Variants in SAMD11 observed in about 807,000 individuals in gnomAD.
SAMD11 encodes sterile alpha motif domain containing 11, also known as sterile alpha motif domain-containing protein 11.
Under a neutral mutation model 64.4 loss-of-function variants are expected in SAMD11, and 77 were observed. The observed-to-expected ratio is 1.20, with a 90% confidence interval of 0.99 to 1.44. SAMD11 has a LOEUF of 1.44. Among genes scored for constraint, SAMD11 ranks in the 40% most tolerant of loss-of-function variants. The pLI is 0.00. For synonymous variants in SAMD11, 658 were observed against 421.9 expected, an observed-to-expected ratio of 1.56 and a Z score of -6.86; for missense variants, 1,402 against 943.3, an observed-to-expected ratio of 1.49 and a Z score of -6.37.
chr1:931,185 C>T (rs1641156292), intron 4 of SAMD11, 96 bp downstream of exon 4: 1 of 1,109,304 alleles, frequency 9.0e-7, no homozygotes, highest in Non-Finnish European at 1.3e-6. Context: ...TCCGCTGTCT[C>T]AGCGTGAGCT....
At position 926,073 on chromosome 1, in the gene SAMD11, C is replaced by T. The variant is rs767632992; in HGVS notation, c.609+60C>T. On this transcript the variant is annotated intron_variant, in intron 2 of 13. Coordinates refer to ENST00000616016, the MANE Select transcript of SAMD11 (RefSeq NM_001385641.1). ...CTCTCCCCTGCGGAGCTTGTCCCTGCGGTTTTCAGGGTTTTCAGGATCGAG... is the reference window on the plus strand; with the variant it reads ...CTCTCCCCTGCGGAGCTTGTCCCTGTGGTTTTCAGGGTTTTCAGGATCGAG... 40 of 1,525,998 alleles carry T rather than the reference C, an allele frequency of 2.6e-5. No homozygotes were observed. In the Middle Eastern group the frequency reaches 6.7e-4, roughly 26 times the overall value. 94.5% of individuals were successfully genotyped at this position (1,525,998 alleles called of 1,614,324 possible).
At chr1:929,075 G>A (rs1019423686) in intron 2 of SAMD11, among the ~76,000 whole-genome samples, 8 of 152,328 alleles carry the variant, frequency 5.3e-5, no homozygotes, top group Middle Eastern at 3.4e-3. Context: ...AAAGCCTCCC[G>A]CCCACTGGAA....
chr1:931,356 G>A (rs1641163896), intron 4 of SAMD11, among the ~76,000 whole-genome samples: 1 of 152,216 alleles, frequency 6.6e-6, no homozygotes, highest in South Asian at 2.1e-4. Context: ...GTTCTGGGCA[G>A]CCCGGCCCTG....
chr1:943,515 G>A (rs182227964), intron 12 of SAMD11, 138 bp downstream of exon 12: 5 of 903,668 alleles, frequency 5.5e-6, no homozygotes, highest in Middle Eastern at 3.5e-4. Context: ...GGACTGGACT[G>A]TGCACCCCAC....
intron 8 of SAMD11, 34 bp from the exon 9 acceptor site, chr1:942,102 G>T (rs768822636): frequency 1.4e-5 from 9 of 637,838 alleles, no homozygotes; most frequent in African/African-American, 9.6e-5. Context: ...AACGGGGGCG[G>T]GGGGGACGCC....
chr1:930,908 C>A, intron 3 of SAMD11, 131 bp from the exon 4 acceptor site: 2 of 864,532 alleles, frequency 2.3e-6, no homozygotes, highest in East Asian at 2.5e-5. Flanking sequence ...TGGCAGCCGC[C>A]CTCGTTCACT....
chr1:936,745 T>C (rs763229595), intron 5 of SAMD11, among the ~76,000 whole-genome samples: 2 of 152,152 alleles, frequency 1.3e-5, no homozygotes, highest in Non-Finnish European at 2.9e-5. Context: ...CGCGTCCTCG[T>C]GCACCTAGGA....
chr1:939,773 C>T (rs576323831), intron 7 of SAMD11, among the ~76,000 whole-genome samples: 2 of 150,168 alleles, frequency 1.3e-5, no homozygotes, highest in Non-Finnish European at 3.0e-5. Context: ...TGTGAGTCGT[C>T]TATGCAGCCA....
At position 943,791 on chromosome 1, in the gene SAMD11, C is replaced by G; in HGVS notation, c.2272C>G (p.Leu758Val). The G allele has an allele frequency of 6.2e-7, 1 of 1,612,752 alleles. No individual in the cohort carries two copies. Among genetic ancestry groups the G allele is most frequent in the Admixed American group, 1.7e-5 (1 of 60,012 alleles). Residue 758 changes from leucine to valine, a missense_variant, in exon 13 of 14, where the codon CTC becomes GTC. Coordinates refer to ENST00000616016, the MANE Select transcript of SAMD11 (RefSeq NM_001385641.1). ...CATGGGGCTGAAGCTGGGGCCCGCC[C>G]TCAAGATCCGGGCCCAGGTGAGACG... ...TNMGLKLGPA[L>V]KIRAQVARRL...
At position 939,290 on chromosome 1, in the gene SAMD11, C is replaced by T. The variant is rs150205193; in HGVS notation, c.1073C>T (p.Pro358Leu). The T allele has an allele frequency of 4.4e-5, 71 of 1,606,488 alleles. No homozygotes were observed. The highest frequency in any genetic ancestry group is 5.1e-5 in the Admixed American group (3 of 59,350). Reference sequence around the variant, plus strand: ...TCCCCAGCAGAGGCGCTGCTGCTGCCGCGGGAGCTGGGGCCCAGCATGGCC... The same window carrying T: ...TCCCCAGCAGAGGCGCTGCTGCTGCTGCGGGAGCTGGGGCCCAGCATGGCC... ...SESPQEALLLPRELGPSMAPE... is the reference protein window; with the variant it reads ...SESPQEALLLLRELGPSMAPE... Residue 358 changes from proline to leucine, a missense_variant, in exon 7 of 14, where the codon CCG becomes CTG. Pro to Leu is a moderately conservative substitution (Grantham distance 98). Transcript: ENST00000616016.
At position 942,857 on chromosome 1, in the gene SAMD11, C is replaced by G; in HGVS notation, c.1852C>G (p.Leu618Val). The change falls in exon 11 of 14, where the codon CTC becomes GTC. Residue 618 changes from leucine (L) to valine (V), a missense_variant. Physicochemically the swap from Leu to Val is conservative, Grantham distance 32. Transcript: ENST00000616016. ...SESKEMTGAR[L>V]WAQDGSEDEP... ...GTCCAAGGAGATGACGGGGGCTAGG[C>G]TCTGGGCACAAGATGGCTCGGAAGA... is the stretch of plus-strand genomic sequence containing the variant. 6.4e-7 allele frequency: 1 copy of G among 1,553,036 alleles called. No individual in the cohort carries two copies. The highest frequency in any genetic ancestry group is 8.7e-7 in the Non-Finnish European group (1 of 1,148,342).
intron 12 of SAMD11, 148 bp downstream of exon 12, chr1:943,525 CCTTTTT>C (rs1421668549): frequency 3.0e-5 from 25 of 822,494 alleles, no homozygotes; most frequent in Admixed American, 7.7e-5. Flanking sequence ...GTGCACCCCA[CCTTTTT>C]TTTTTTTTTT....
intron 10 of SAMD11, 30 bp downstream of exon 10, chr1:942,518 C>T: frequency 6.9e-7 from 1 of 1,439,830 alleles, no homozygotes. Context: ...CGGGGCCGCG[C>T]GGCCCGGGAG....
rs1459615934 is a variant in SAMD11, at chr1:928,120, G to A, written c.610-2035G>A. ...AAAGAAGGGAGGTGGGAGGCCGGGT[G>A]TGGTGGCGCATGCCTGTAATCCCAG... On this transcript the variant is annotated intron_variant, in intron 2 of 13. Coordinates refer to ENST00000616016, the MANE Select transcript of SAMD11 (RefSeq NM_001385641.1). Among the ~76,000 whole-genome samples the A allele has an allele frequency of 1.2e-4, 18 of 152,230 alleles. 1 individual carries two copies. The highest frequency in any genetic ancestry group is 7.7e-4 in the East Asian group (4 of 5,198).
chr1:943,246 A>C lies in SAMD11; in HGVS notation c.2054-7A>C. The C allele has an allele frequency of 6.2e-7, 1 of 1,612,780 alleles. No homozygotes were observed. Among genetic ancestry groups the C allele is most frequent in the Non-Finnish European group, 8.5e-7 (1 of 1,179,808 alleles). On this transcript the variant is annotated splice_region_variant and splice_polypyrimidine_tract_variant and intron_variant, in intron 11 of 13. Transcript: ENST00000616016. ...CCAGAGCCCTAGTAACACGCCCCAC[A>C]ACTCAGGCGCGGTAGGGGGACTCTC...
intron 5 of SAMD11, among the ~76,000 whole-genome samples, chr1:936,976 C>T (rs1474812647): frequency 6.6e-6 from 1 of 152,166 alleles, no homozygotes; most frequent in African/African-American, 2.4e-5. Flanking sequence ...TGTCTGGGGT[C>T]CTGTGGGGTG....
chr1:932,788 CT>C (rs1269188004), intron 4 of SAMD11, among the ~76,000 whole-genome samples: 4 of 152,260 alleles, frequency 2.6e-5, no homozygotes, highest in Admixed American at 2.6e-4. Context: ...GACCACCTGC[CT>C]TTTGGAGCCA....
Position 939,428 on chromosome 1 carries a change from G to A in SAMD11, c.1195+16G>A. The A allele has an allele frequency of 6.9e-7, 1 of 1,440,930 alleles. No homozygotes were observed. 89.3% of individuals were successfully genotyped at this position (1,440,930 alleles called of 1,614,324 possible). A position where few individuals can be genotyped will look rare whatever the true frequency, so the allele number is the denominator to read the frequency against. ...CCCAGCCACGGTGAGGACCCACCCT[G>A]GCATGATCCCCCTCATCACCTCCCC... is the stretch of plus-strand genomic sequence containing the variant. On this transcript the variant is annotated intron_variant, in intron 7 of 13. Coordinates refer to ENST00000616016, the MANE Select transcript of SAMD11 (RefSeq NM_001385641.1).
Position 944,044 on chromosome 1 carries a change from C to G in SAMD11, c.2426C>G (p.Ser809Cys), listed in dbSNP as rs777921687. 2 of 1,612,674 alleles carry G rather than the reference C, an allele frequency of 1.2e-6. No individual in the cohort carries two copies. Among genetic ancestry groups the G allele is most frequent in the Admixed American group, 1.7e-5 (1 of 60,012 alleles). Residue 809 changes from serine (S) to cysteine (C), a missense_variant, in exon 14 of 14, where the codon TCC (serine) becomes TGC (cysteine). Transcript: ENST00000616016. ...CCCTTGTCCCCCACGACGGCCACGT[C>G]CCCCTATGGAGGGGGCCACGCCCTT... ...EQPLSPTTAT[S>C]PYGGGHALAG...
Sources: allele counts gnomAD v4.1 joint callset (sites outside exome capture counted in the v4.1 genomes callset), GRCh38; gene constraint gnomAD v4.1.1; transcripts MANE v1.5; gene names NCBI Gene and HGNC (gene_info 2026-07-23, HGNC 2026-07-21).